MAP3K5: variants seen among roughly 807,000 people sequenced by gnomAD.
MAP3K5 encodes ASK-1.
A neutral mutation model predicts 158.7 loss-of-function variants in MAP3K5; 56 were observed. The observed-to-expected ratio is 0.35, with a 90% CI of 0.28 to 0.44. MAP3K5 has a LOEUF of 0.44. Among genes scored for constraint, MAP3K5 ranks in the 20% least tolerant of loss-of-function variants. The probability of loss-of-function intolerance (pLI) is 1.00; values close to 1 mark genes in which losing one functional copy is unlikely to be tolerated. For missense variants in MAP3K5, 1,294 were observed against 1,674.8 expected (o/e 0.77, Z 3.97); for synonymous variants, 579 against 601.7 (o/e 0.96, Z 0.55).
chr6:136,611,417 G>T, intron 17 of MAP3K5, 30 bp from the exon 18 acceptor site: 1 of 1,263,918 alleles, frequency 7.9e-7, no homozygotes, highest in Non-Finnish European at 1.2e-6. Flanking sequence ...AATCACAATT[G>T]TTATCTTTCT....
At chr6:136,704,997 AG>A in intron 3 of MAP3K5, 112 bp downstream of exon 3, 1 of 556,006 alleles carries the variant, frequency 1.8e-6, no homozygotes, top group Non-Finnish European at 3.1e-6. Flanking sequence ...AAATCTAAAG[AG>A]GAAAAATAGA....
rs150123003 is a variant in MAP3K5 at position 136,737,745 on chromosome 6, G to A, written c.449-17156C>T. Reference sequence around the variant, plus strand: ...GAAGGGGTCAAAGAAATCAGCATCAGCCCTTCATGGGCTGATAACCTTCAA... The same window carrying A: ...GAAGGGGTCAAAGAAATCAGCATCAACCCTTCATGGGCTGATAACCTTCAA... On this transcript the variant is annotated intron_variant, in intron 1 of 29. Transcript: ENST00000359015. Among the ~76,000 whole-genome samples, 270 of 152,322 alleles carry A rather than the reference G, an allele frequency of 1.8e-3. 1 individual carries two copies. The highest frequency in any genetic ancestry group is 6.2e-3 in the African/African-American group (256 of 41,572).
In MAP3K5 at chr6:136,698,435, T is replaced by C; in HGVS notation, c.806+54A>G. ...ACCTGATATCATGCACAAATAAAGA[T>C]GTAGAATAACACTTTATTGTCATCA... On this transcript the variant is annotated intron_variant, in intron 4 of 29. Coordinates refer to ENST00000359015, the MANE Select transcript of MAP3K5 (RefSeq NM_005923.4). The C allele has an allele frequency of 2.8e-6, 4 of 1,452,696 alleles. No homozygotes were observed. In the South Asian group the frequency reaches 3.6e-5, roughly 13 times the overall value. The allele number at this position is 1,452,696 out of a possible 1,614,324, so 90.0% of individuals were successfully genotyped here.
intron 2 of MAP3K5, among the ~76,000 whole-genome samples, chr6:136,715,972 G>C (rs965187765): frequency 1.5e-5 from 2 of 135,280 alleles, no homozygotes; most frequent in Non-Finnish European, 3.1e-5. Flanking sequence ...GGAGGTTGCA[G>C]TGAGCCGGGA....
chr6:136,559,353 A>AAAAAAC (rs147599173), intron 28 of MAP3K5, among the ~76,000 whole-genome samples: 1,378 of 125,152 alleles, frequency 0.011, 17 homozygotes, highest in East Asian at 0.037. Flanking sequence ...CTCCGTCTCA[A>AAAAAAC]AAAAACAAAA....
At chr6:136,679,000 AC>A (rs1258024371) in intron 7 of MAP3K5, among the ~76,000 whole-genome samples, 15 of 151,944 alleles carry the variant, frequency 9.9e-5, no homozygotes, top group African/African-American at 3.6e-4. Context: ...TGCTGCGATT[AC>A]AGGCATGAGC....
rs1466653227 is a variant in MAP3K5, at chr6:136,697,323, C to G, written c.871G>C (p.Glu291Gln). 1 of 1,613,692 alleles carries G rather than the reference C, an allele frequency of 6.2e-7. No homozygotes were observed. Among genetic ancestry groups the G allele is most frequent in the East Asian group, 2.2e-5 (1 of 44,840 alleles). Reference sequence around the variant, plus strand: ...ATTCTTGCCAACTCAGCTGCCAATTCTTTACCAGTGTATAAATTACGAGCT... The same window carrying G: ...ATTCTTGCCAACTCAGCTGCCAATTGTTTACCAGTGTATAAATTACGAGCT... ...RKARNLYTGK[E>Q]LAAELARIRQ... The change falls in exon 5 of 30, where the codon GAA becomes CAA. Residue 291 changes from glutamate to glutamine, a missense_variant. Glu to Gln is a conservative substitution (Grantham distance 29). Transcript: ENST00000359015.
rs11963094 is a variant in MAP3K5 at position 136,785,514 on chromosome 6, C to G, written c.448+6196G>C. ...GGTAAGGAAATGGGAAGCAGGCAGC[C>G]AAGCTAACCCTGTGTCCACTGAAGG... On this transcript the variant is annotated intron_variant, in intron 1 of 29. Coordinates refer to ENST00000359015, the MANE Select transcript of MAP3K5 (RefSeq NM_005923.4). 8.8e-3 allele frequency among the ~76,000 whole-genome samples: 1,337 copies of G among 152,240 alleles called. 12 individuals carry two copies. The highest frequency in any genetic ancestry group is 0.031 in the African/African-American group (1,287 of 41,532).
chr6:136,572,450 T>C (rs1009696151), intron 25 of MAP3K5, among the ~76,000 whole-genome samples: 1 of 152,058 alleles, frequency 6.6e-6, no homozygotes, highest in Non-Finnish European at 1.5e-5. Context: ...AGAGATGGGG[T>C]TTCTCCATAT....
At chr6:136,676,396 C>T (rs531903325) in intron 7 of MAP3K5, among the ~76,000 whole-genome samples, 2 of 152,322 alleles carry the variant, frequency 1.3e-5, no homozygotes, top group Admixed American at 1.3e-4. Flanking sequence ...TTACTAGAAA[C>T]TACATCCTTG....
chr6:136,792,499 G>T, upstream of MAP3K5: 1 of 531,132 alleles, frequency 1.9e-6, no homozygotes, highest in Non-Finnish European at 2.4e-6. The surrounding 1 kb of genome is among the most constrained non-coding windows in gnomAD (Gnocchi z 5.7). Context: ...CCGCGGTGCA[G>T]CTCAAGGGCG....
At chr6:136,591,584 G>A (rs1775388272) in intron 23 of MAP3K5, among the ~76,000 whole-genome samples, 1 of 152,198 alleles carries the variant, frequency 6.6e-6, no homozygotes, top group African/African-American at 2.4e-5. Flanking sequence ...CTTAACTCTT[G>A]TTTATGTCAA....
intron 1 of MAP3K5, among the ~76,000 whole-genome samples, chr6:136,757,582 TTTTA>T (rs763117988): frequency 1.4e-4 from 19 of 133,048 alleles, no homozygotes; most frequent in Middle Eastern, 3.8e-3. Context: ...TTTATTTATT[TTTTA>T]TTTTTTTTTT....
intron 15 of MAP3K5, among the ~76,000 whole-genome samples, chr6:136,621,272 TTTAAAAA>T (rs1776788978): frequency 6.6e-6 from 1 of 152,182 alleles, no homozygotes; most frequent in African/African-American, 2.4e-5. Context: ...CTCCAGCATT[TTTAAAAA>T]TTATTCCTAG....
At chr6:136,753,666 T>C (rs1315480786) in intron 1 of MAP3K5, among the ~76,000 whole-genome samples, 1 of 152,228 alleles carries the variant, frequency 6.6e-6, no homozygotes, top group Non-Finnish European at 1.5e-5. Flanking sequence ...TCTCCACAAA[T>C]ATTCCATCAT....
chr6:136,705,664 A>G (rs1205433550), intron 2 of MAP3K5, among the ~76,000 whole-genome samples: 1 of 152,198 alleles, frequency 6.6e-6, no homozygotes, highest in Non-Finnish European at 1.5e-5. Flanking sequence ...TCTGCAGTTT[A>G]AAAAACAAAA....
intron 26 of MAP3K5, among the ~76,000 whole-genome samples, chr6:136,565,877 C>T (rs921933721): frequency 4.6e-5 from 7 of 152,116 alleles, no homozygotes; most frequent in African/African-American, 9.7e-5. Flanking sequence ...AAAGGAAAAA[C>T]GAGGCTGATT....
intron 25 of MAP3K5, chr6:136,579,817 A>G (rs1774787519): frequency 2.2e-6 from 1 of 456,554 alleles, no homozygotes; most frequent in Non-Finnish European, 4.4e-6. Flanking sequence ...TTTAAAAAAA[A>G]ATCAGATTCC....
chr6:136,768,245 G>C (rs1395743619), intron 1 of MAP3K5, among the ~76,000 whole-genome samples: 1 of 152,060 alleles, frequency 6.6e-6, no homozygotes, highest in African/African-American at 2.4e-5. Flanking sequence ...TGCTTCAAAA[G>C]ACATTATCAA....
Sources: allele counts gnomAD v4.1 joint callset (sites outside exome capture counted in the v4.1 genomes callset), GRCh38; gene constraint gnomAD v4.1.1; non-coding constraint Gnocchi (gnomAD v3.1); transcripts MANE v1.5; gene names NCBI Gene and HGNC (gene_info 2026-07-23, HGNC 2026-07-21).